LRCOL1: variants seen among roughly 807,000 people sequenced by gnomAD.
The protein encoded by LRCOL1 is leucine-rich colipase-like protein 1.
LRCOL1 carries 21 observed loss-of-function variants against 21.6 expected under a neutral mutation model. The observed-to-expected ratio is 0.97, with a 90% CI of 0.69 to 1.40. The LOEUF (loss-of-function observed/expected upper bound fraction) is 1.40, where lower values mean the gene tolerates loss of function less well. LRCOL1 is among the 40% of genes most tolerant of loss of function. LRCOL1 has a pLI of 0.00. For missense variants in LRCOL1, 198 were observed against 202.3 expected, an observed-to-expected ratio of 0.98 and a Z score of 0.13; for synonymous variants, 98 against 90.1, an observed-to-expected ratio of 1.09 and a Z score of -0.49.
chr12:132,607,287 C>A (rs536709936), intron 1 of LRCOL1, among the ~76,000 whole-genome samples: 13 of 152,264 alleles, frequency 8.5e-5, no homozygotes, highest in South Asian at 6.2e-4. Context: ...CAAAGCCATA[C>A]GGGAAAACCC....
chr12:132,606,836 C>T lies in LRCOL1; in HGVS notation c.-13-572G>A, dbSNP rs1052100445. On this transcript the variant is annotated intron_variant, in intron 1 of 5. Coordinates refer to ENST00000376608, the MANE Select transcript of LRCOL1 (RefSeq NM_001195520.2). This position sits in a 1 kb window ranked among gnomAD's most constrained non-coding sequence, Gnocchi z 4.6. The stretch of plus-strand genomic sequence containing the variant: ...TTTCACTAAGTGCCATTTAAGGTTC[C>T]TCTGTGGCTTTTCGTGGCATAATGA... Among the ~76,000 whole-genome samples, 2 of 152,124 alleles carry T rather than the reference C, an allele frequency of 1.3e-5. No individual in the cohort carries two copies. The highest frequency in any genetic ancestry group is 4.8e-5 in the African/African-American group (2 of 41,452).
Position 132,606,348 on chromosome 12 carries a change from TC to T in LRCOL1, c.-13-85del. The T allele has an allele frequency of 9.3e-7, 1 of 1,074,638 alleles. No individual in the cohort carries two copies. The highest frequency in any genetic ancestry group is 1.5e-5 in the South Asian group (1 of 66,930). 66.6% of individuals were successfully genotyped at this position (1,074,638 alleles called of 1,614,324 possible). A position where few individuals can be genotyped will look rare whatever the true frequency, so the allele number is the denominator to read the frequency against. ...CCTGGTGCTGGCCTCCCCACTCCCT[TC>T]CCATCCCTTCCCGATCCTTTCTCTT... On this transcript the variant is annotated intron_variant, in intron 1 of 5. Transcript: ENST00000376608. The surrounding 1 kb of genome is among the most constrained non-coding windows in gnomAD (Gnocchi z 4.6).
chr12:132,607,765 C>A (rs1180261025), intron 1 of LRCOL1, among the ~76,000 whole-genome samples: 1 of 151,418 alleles, frequency 6.6e-6, no homozygotes, highest in Non-Finnish European at 1.5e-5. Context: ...CTCTCTGTCT[C>A]TCCCTCTCTT....
intron 1 of LRCOL1, among the ~76,000 whole-genome samples, chr12:132,607,788 CCTCT>C (rs562697532): frequency 1.3e-4 from 14 of 107,772 alleles, no homozygotes; most frequent in African/African-American, 3.5e-4. Context: ...TCTGCCTCTC[CCTCT>C]CTCTGTCTCT....
chr12:132,606,219 CAGT>C lies in LRCOL1; in HGVS notation c.30_32del (p.Leu18del). On this transcript the variant is annotated inframe_deletion, in exon 2 of 6. Transcript: ENST00000376608. This position sits in a 1 kb window ranked among gnomAD's most constrained non-coding sequence, Gnocchi z 4.6. Reference sequence around the variant, plus strand: ...ACCCCAGCAGCAGCAGCAGCAGCAGCAGTAGCAGCAGCGTCCACCCCGGGCCGG... The same window carrying C: ...ACCCCAGCAGCAGCAGCAGCAGCAGCAGCAGCAGCGTCCACCCCGGGCCGG... 6.5e-7 allele frequency: 1 copy of C among 1,536,502 alleles called. No individual in the cohort carries two copies. The highest frequency in any genetic ancestry group is 1.2e-5 in the South Asian group (1 of 84,046).
chr12:132,603,339 C>G lies in LRCOL1; in HGVS notation c.*63G>C. On this transcript the variant is annotated 3_prime_UTR_variant, in exon 6 of 6. Transcript: ENST00000376608. ...TCCGCTGGAACCAGCCCCCGCGCAA[C>G]GCGGTCCTGCGTGAACATCCCAGGG... 1 of 1,534,678 alleles carries G rather than the reference C, an allele frequency of 6.5e-7. No homozygotes were observed. The highest frequency in any genetic ancestry group is 8.7e-7 in the Non-Finnish European group (1 of 1,145,720).
In LRCOL1 at chr12:132,606,004, G is replaced by A. The variant is rs2041303408; in HGVS notation, c.105+143C>T. 2 of 709,916 alleles carry A rather than the reference G, an allele frequency of 2.8e-6. No individual in the cohort carries two copies. The highest frequency in any genetic ancestry group is 1.8e-5 in the African/African-American group (1 of 55,980). 44.0% of individuals were successfully genotyped at this position (709,916 alleles called of 1,614,324 possible). On this transcript the variant is annotated intron_variant, in intron 2 of 5. Transcript: ENST00000376608. This position sits in a 1 kb window ranked among gnomAD's most constrained non-coding sequence, Gnocchi z 4.6. ...CCTCAGGGAGGGTTTCATCCAGGAA[G>A]GCGCTTTGTGTCCCTTTGAGACCCT...
At chr12:132,605,052 G>A (rs1301798819) in intron 2 of LRCOL1, 12 of 1,383,086 alleles carry the variant, frequency 8.7e-6, no homozygotes, top group Non-Finnish European at 1.9e-6. Flanking sequence ...GAGCCACGTG[G>A]AAGAGGGTAA....
chr12:132,604,577 CCATTGGGCTATGGGACAGGAGACGCGT>C lies in LRCOL1; in HGVS notation c.232-20_238del. Reference sequence around the variant, plus strand: ...CTCTGAGTCGTGCGAGCATCTGTACCCATTGGGCTATGGGACAGGAGACGCGTCATCCCTGCACCCACCATCCACTCC... The same window carrying C: ...CTCTGAGTCGTGCGAGCATCTGTACCCATCCCTGCACCCACCATCCACTCC... On this transcript the variant is annotated splice_acceptor_variant and splice_polypyrimidine_tract_variant and coding_sequence_variant and intron_variant, in exon 4 of 6. Coordinates refer to ENST00000376608, the MANE Select transcript of LRCOL1 (RefSeq NM_001195520.2). LOFTEE classifies it high-confidence loss of function. The C allele has an allele frequency of 6.5e-7, 1 of 1,534,836 alleles. No individual in the cohort carries two copies. The highest frequency in any genetic ancestry group is 8.7e-7 in the Non-Finnish European group (1 of 1,145,878).
chr12:132,606,462 T>C lies in LRCOL1; in HGVS notation c.-13-198A>G, dbSNP rs144746391. On this transcript the variant is annotated intron_variant, in intron 1 of 5. Coordinates refer to ENST00000376608, the MANE Select transcript of LRCOL1 (RefSeq NM_001195520.2). The surrounding 1 kb of genome is among the most constrained non-coding windows in gnomAD (Gnocchi z 4.6). ...AAAAGTGCAGAAAATATAATTCTCA[T>C]ATGCCACCTTCTTTCCCCTGCCTCA... Among the ~76,000 whole-genome samples, 1,170 of 152,340 alleles carry C rather than the reference T, an allele frequency of 7.7e-3. 33 individuals are homozygous for C. The highest frequency in any genetic ancestry group is 0.061 in the Admixed American group (932 of 15,296).
intron 5 of LRCOL1, 23 bp downstream of exon 5, chr12:132,604,231 C>A: frequency 6.6e-7 from 1 of 1,518,314 alleles, no homozygotes; most frequent in South Asian, 1.2e-5. Context: ...GGCCTGGAGG[C>A]TGAGCCCCCG....
At chr12:132,607,914 CGTCTGTCTCTCTCT>C (rs1385050509) in intron 1 of LRCOL1, among the ~76,000 whole-genome samples, 2 of 104,990 alleles carry the variant, frequency 1.9e-5, no homozygotes, top group African/African-American at 4.2e-5. Context: ...TCCCTCTCTC[CGTCTGTCTCTCTCT>C]GTCTCTCCCT....
chr12:132,603,529 C>G, intron 5 of LRCOL1, 125 bp from the exon 6 acceptor site: 1 of 1,518,636 alleles, frequency 6.6e-7, no homozygotes, highest in Non-Finnish European at 8.8e-7. Flanking sequence ...CGGGACAGCA[C>G]CCAGAGGCCG....
At chr12:132,605,142 G>A in intron 2 of LRCOL1, 16 of 1,166,828 alleles carry the variant, frequency 1.4e-5, no homozygotes, top group Non-Finnish European at 1.6e-5. Context: ...GCATTTTACA[G>A]GAGAAGAAAC....
Position 132,610,546 on chromosome 12 carries a change from T to C in LRCOL1, c.-237A>G, listed in dbSNP as rs1294323860. The C allele has an allele frequency of 3.3e-5, 5 of 152,218 alleles. No homozygotes were observed. Among genetic ancestry groups the C allele is most frequent in the Non-Finnish European group, 7.3e-5 (5 of 68,080 alleles). 9.4% of individuals were successfully genotyped at this position (152,218 alleles called of 1,614,324 possible). On this transcript the variant is annotated 5_prime_UTR_variant, in exon 1 of 6. Transcript: ENST00000376608. ...ATCTCCCCACATGAGAGGCTCAGTG[T>C]AGGCGTCTGGACAGGGGCCAGTCCC...
chr12:132,603,699 C>G, intron 5 of LRCOL1: 1 of 985,452 alleles, frequency 1.0e-6, no homozygotes, highest in Non-Finnish European at 1.2e-6. Flanking sequence ...ACCCTTTCAC[C>G]CCAGACGGGA....
rs540469583 is a variant in LRCOL1, at chr12:132,608,765, T to A, written c.-14+1558A>T. ...ATTTTTAATGTAACTACATAAAAGC[T>A]AAATTGAATCACAACTAGAACTTTT... On this transcript the variant is annotated intron_variant, in intron 1 of 5. Transcript: ENST00000376608. Among the ~76,000 whole-genome samples the A allele has an allele frequency of 3.3e-5, 5 of 152,358 alleles. No homozygotes were observed. The South Asian group carries it at 1.0e-3, about 32-fold the overall frequency.
chr12:132,607,941 C>G lies in LRCOL1; in HGVS notation c.-13-1677G>C, dbSNP rs545803842. ...TCTGTCTCTCTCTGTCTCTCCCTCT[C>G]TTTCTCTGCCTCTCCCTCTCTCTGT... On this transcript the variant is annotated intron_variant, in intron 1 of 5. Transcript: ENST00000376608. Among the ~76,000 whole-genome samples, 5 of 151,478 alleles carry G rather than the reference C, an allele frequency of 3.3e-5. No homozygotes were observed. The East Asian group carries it at 9.7e-4, about 30-fold the overall frequency.
chr12:132,605,096 A>C, intron 2 of LRCOL1: 1 of 1,282,076 alleles, frequency 7.8e-7, no homozygotes, highest in Non-Finnish European at 1.0e-6. Context: ...GCAGCAGCAG[A>C]GCATGGGTGA....
Sources: allele counts gnomAD v4.1 joint callset (sites outside exome capture counted in the v4.1 genomes callset), GRCh38; gene constraint gnomAD v4.1.1; non-coding constraint Gnocchi (gnomAD v3.1); transcripts MANE v1.5; gene names NCBI Gene and HGNC (gene_info 2026-07-23, HGNC 2026-07-21).